The following LNX2 variants were observed in gnomAD, a reference collection of about 807,000 sequenced individuals.
The protein encoded by LNX2 is ligand of Numb protein X 2.
LNX2 carries 35 observed loss-of-function variants against 66.2 expected under a neutral mutation model. The observed-to-expected ratio is 0.53, with a 90% CI of 0.40 to 0.70. The LOEUF (loss-of-function observed/expected upper bound fraction) is 0.70, where lower values mean the gene tolerates loss of function less well. Ranked by LOEUF, LNX2 falls within the 30% of genes least tolerant of loss-of-function variation. The probability of loss-of-function intolerance (pLI) is 0.00; values close to 1 mark genes in which losing one functional copy is unlikely to be tolerated. For synonymous variants in LNX2, 337 were observed against 315.6 expected (o/e 1.07, Z -0.72); for missense variants, 791 against 850.8 (o/e 0.93, Z 0.87).
intron 2 of LNX2, among the ~76,000 whole-genome samples, chr13:27,573,064 A>G (rs543294831): frequency 3.3e-5 from 5 of 152,348 alleles, no homozygotes; most frequent in South Asian, 2.1e-4. Flanking sequence ...AAAGAATTAT[A>G]GCAGTAGGGA....
chr13:27,602,093 C>G (rs922591207), intron 1 of LNX2, among the ~76,000 whole-genome samples: 1 of 151,718 alleles, frequency 6.6e-6, no homozygotes. Flanking sequence ...TTACATTTAG[C>G]TTTTGAGGTG....
At chr13:27,578,084 T>C (rs971182401) in intron 2 of LNX2, among the ~76,000 whole-genome samples, 1 of 152,240 alleles carries the variant, frequency 6.6e-6, no homozygotes, top group Non-Finnish European at 1.5e-5. Context: ...CTTTCATAAA[T>C]ATTTTATCTG....
At chr13:27,564,980 G>T (rs1955187309) in intron 4 of LNX2, among the ~76,000 whole-genome samples, 1 of 152,170 alleles carries the variant, frequency 6.6e-6, no homozygotes. Context: ...GAGACCCTTT[G>T]TGAATTCATT....
intron 2 of LNX2, 112 bp from the exon 3 acceptor site, chr13:27,569,388 C>A: frequency 1.8e-6 from 2 of 1,121,728 alleles, no homozygotes; most frequent in South Asian, 3.0e-5. Flanking sequence ...GCTAGAAGTA[C>A]CTATAGGCAG....
chr13:27,606,594 A>G (rs192900851), intron 1 of LNX2, among the ~76,000 whole-genome samples: 1 of 152,300 alleles, frequency 6.6e-6, no homozygotes. Flanking sequence ...GAACAGTATG[A>G]GTTTTAAAAT....
intron 1 of LNX2, among the ~76,000 whole-genome samples, chr13:27,593,040 T>C (rs376694203): frequency 5.9e-5 from 9 of 152,188 alleles, no homozygotes; most frequent in African/African-American, 2.2e-4. Context: ...AATTTGTATC[T>C]TGGTAGGAAG....
rs189073209 is a variant in LNX2 at position 27,594,998 on chromosome 13, C to T, written c.-100-13195G>A. 1.1e-4 allele frequency among the ~76,000 whole-genome samples: 16 copies of T among 152,286 alleles called. No homozygotes were observed. In the East Asian group the frequency reaches 3.1e-3, roughly 29 times the overall value. On this transcript the variant is annotated intron_variant, in intron 1 of 9. Transcript: ENST00000316334. ...CCCTGCCTGAATACTCTTCTGTGGTCCCCAACTGCTTCTACAAAATTAAAG... is the reference window on the plus strand; with the variant it reads ...CCCTGCCTGAATACTCTTCTGTGGTTCCCAACTGCTTCTACAAAATTAAAG...
At chr13:27,562,340 T>C in intron 5 of LNX2, 73 bp downstream of exon 5, 2 of 1,494,332 alleles carry the variant, frequency 1.3e-6, no homozygotes, top group Non-Finnish European at 1.8e-6. Context: ...CTGATGTTAT[T>C]GGCCAGTGAA....
chr13:27,587,121 C>T (rs1056342898), intron 1 of LNX2, among the ~76,000 whole-genome samples: 3 of 152,150 alleles, frequency 2.0e-5, no homozygotes, highest in African/African-American at 4.8e-5. Flanking sequence ...GGGAAAAAGA[C>T]GATGAGCTAA....
chr13:27,587,469 T>C (rs1307576323), intron 1 of LNX2, among the ~76,000 whole-genome samples: 1 of 152,236 alleles, frequency 6.6e-6, no homozygotes, highest in African/African-American at 2.4e-5. Context: ...CTCAGGCTCA[T>C]ACATGATCCT....
intron 1 of LNX2, among the ~76,000 whole-genome samples, chr13:27,591,992 G>A (rs1427589498): frequency 3.3e-5 from 5 of 152,238 alleles, no homozygotes; most frequent in Admixed American, 6.5e-5. Flanking sequence ...GCCTTGAGGC[G>A]AGAATGTCCC....
chr13:27,605,002 G>T (rs1955698999), intron 1 of LNX2, among the ~76,000 whole-genome samples: 1 of 151,798 alleles, frequency 6.6e-6, no homozygotes, highest in Non-Finnish European at 1.5e-5. Context: ...ATTACAAGAA[G>T]GGTTTCATAA....
At chr13:27,561,013 A>G (rs1046020370) in intron 5 of LNX2, among the ~76,000 whole-genome samples, 3 of 152,204 alleles carry the variant, frequency 2.0e-5, no homozygotes, top group African/African-American at 7.2e-5. Flanking sequence ...ATTTTTTAAA[A>G]TCCAAAAACA....
At chr13:27,564,741 C>T (rs944782015) in intron 4 of LNX2, among the ~76,000 whole-genome samples, 2 of 152,206 alleles carry the variant, frequency 1.3e-5, no homozygotes, top group Non-Finnish European at 2.9e-5. Context: ...GTCTGCAAAT[C>T]AACCATCTTA....
chr13:27,595,665 C>G (rs1728403217), intron 1 of LNX2, among the ~76,000 whole-genome samples: 1 of 152,184 alleles, frequency 6.6e-6, no homozygotes, highest in African/African-American at 2.4e-5. Context: ...TCATATCTGT[C>G]TCTATGTCCA....
intron 4 of LNX2, among the ~76,000 whole-genome samples, chr13:27,563,595 G>T (rs944468136): frequency 1.3e-5 from 2 of 152,108 alleles, no homozygotes; most frequent in African/African-American, 2.4e-5. Context: ...TTAGTTACAA[G>T]AGATGAGCAT....
chr13:27,583,259 C>CGT lies in LNX2; in HGVS notation c.-100-1457_-100-1456insAC, dbSNP rs1593253026. 1.3e-4 allele frequency among the ~76,000 whole-genome samples: 8 copies of CGT among 59,300 alleles called. 3 individuals are homozygous for CGT. In the East Asian group the frequency reaches 2.0e-3, roughly 15 times the overall value. 38.9% of individuals were successfully genotyped at this position (59,300 alleles called of 152,430 possible). A position where few individuals can be genotyped will look rare whatever the true frequency, so the allele number is the denominator to read the frequency against. On this transcript the variant is annotated intron_variant, in intron 1 of 9. Transcript: ENST00000316334. ...GTGTGTGTGTGTGTGTGTGTGTGCG[C>CGT]GCGTCCTCTCCAACATACTTATTTT... is the stretch of plus-strand genomic sequence containing the variant.
intron 2 of LNX2, among the ~76,000 whole-genome samples, chr13:27,577,446 G>A (rs1375591033): frequency 2.0e-5 from 3 of 151,898 alleles, no homozygotes; most frequent in Admixed American, 6.6e-5. Context: ...ATCATCTAAA[G>A]CAGGGTTGTC....
chr13:27,593,840 C>G (rs1043334235), intron 1 of LNX2, among the ~76,000 whole-genome samples: 24 of 151,372 alleles, frequency 1.6e-4, no homozygotes, highest in Admixed American at 3.3e-4. Flanking sequence ...AAGCGATCTG[C>G]CTGCCTCTGC....
Sources: allele counts gnomAD v4.1 joint callset (sites outside exome capture counted in the v4.1 genomes callset), GRCh38; gene constraint gnomAD v4.1.1; transcripts MANE v1.5; gene names NCBI Gene and HGNC (gene_info 2026-07-23, HGNC 2026-07-21).